The following INPP5A variants were observed in gnomAD, a reference collection of about 807,000 sequenced individuals.
INPP5A encodes the protein inositol polyphosphate-5-phosphatase A.
INPP5A carries 14 observed loss-of-function variants against 65.2 expected under a neutral mutation model. The ratio of observed to expected loss-of-function variants is 0.21; its 90% confidence interval spans 0.14 to 0.34. The LOEUF (loss-of-function observed/expected upper bound fraction) is 0.34. Ranked by LOEUF, INPP5A falls within the 10% of genes least tolerant of loss-of-function variation. The pLI, the probability that INPP5A is intolerant of heterozygous loss-of-function variation, is 1.00. For missense variants in INPP5A, 431 were observed against 545.6 expected (o/e 0.79, Z 2.09); for synonymous variants, 207 against 208.3 (o/e 0.99, Z 0.05).
At chr10:132,677,669 C>T (rs982748074) in intron 4 of INPP5A, among the ~76,000 whole-genome samples, 7 of 152,314 alleles carry the variant, frequency 4.6e-5, no homozygotes, top group African/African-American at 7.2e-5. Flanking sequence ...TGTTAACGGG[C>T]GCACTCGTCT....
At chr10:132,722,982 A>G (rs1052054739) in intron 8 of INPP5A, among the ~76,000 whole-genome samples, 1 of 152,210 alleles carries the variant, frequency 6.6e-6, no homozygotes, top group Non-Finnish European at 1.5e-5. Context: ...GCTGGCACTC[A>G]GGTGATTGCC....
rs1048175488 is a variant in INPP5A, at chr10:132,697,159, G to A, written c.371-657G>A. 3.1e-4 allele frequency among the ~76,000 whole-genome samples: 47 copies of A among 152,386 alleles called. No homozygotes were observed. The highest frequency in any genetic ancestry group is 1.1e-3 in the African/African-American group (46 of 41,602). ...CCACTGGACCCAGCAGGAGTTTGAGGAATGGATCCCTGCCATCCTTGATCA... is the reference window on the plus strand; with the variant it reads ...CCACTGGACCCAGCAGGAGTTTGAGAAATGGATCCCTGCCATCCTTGATCA... On this transcript the variant is annotated intron_variant, in intron 5 of 15. Coordinates refer to ENST00000368594, the MANE Select transcript of INPP5A (RefSeq NM_005539.5). The surrounding 1 kb of genome is among the most constrained non-coding windows in gnomAD (Gnocchi z 5.6).
At chr10:132,747,338 G>T (rs980657994) in intron 9 of INPP5A, among the ~76,000 whole-genome samples, 2 of 152,256 alleles carry the variant, frequency 1.3e-5, no homozygotes, top group African/African-American at 4.8e-5. Context: ...AGCCACTTTG[G>T]GGGGCTTGAC....
intron 1 of INPP5A, among the ~76,000 whole-genome samples, chr10:132,561,748 A>ACACACG (rs2071209370): frequency 1.3e-5 from 2 of 151,718 alleles, no homozygotes; most frequent in Admixed American, 6.6e-5. Context: ...ACACACACAC[A>ACACACG]CACACACACA....
intron 1 of INPP5A, among the ~76,000 whole-genome samples, chr10:132,559,177 G>A (rs75184896): frequency 0.087 from 13,245 of 152,296 alleles, 769 homozygotes; most frequent in East Asian, 0.23. Flanking sequence ...AAGGCTGCCC[G>A]CCGCTCGGGG....
Position 132,753,256 on chromosome 10 carries a change from G to A in INPP5A, c.903+3411G>A, listed in dbSNP as rs890671886. On this transcript the variant is annotated intron_variant, in intron 11 of 15. Transcript: ENST00000368594. The surrounding 1 kb of genome is among the most constrained non-coding windows in gnomAD (Gnocchi z 5.3). ...CGACGGAGGGTCAAGGTGGTCGGAC[G>A]GGGAGCCTGGGGAGATAATCCCATC... is the stretch of plus-strand genomic sequence containing the variant. Among the ~76,000 whole-genome samples the A allele has an allele frequency of 3.9e-5, 6 of 152,136 alleles. No individual in the cohort carries two copies. Among genetic ancestry groups the A allele is most frequent in the Non-Finnish European group, 7.4e-5 (5 of 68,014 alleles).
chr10:132,606,933 T>C (rs997333545), intron 1 of INPP5A, among the ~76,000 whole-genome samples: 1 of 152,240 alleles, frequency 6.6e-6, no homozygotes, highest in Non-Finnish European at 1.5e-5. Context: ...CACGGATCTC[T>C]AGAACTTGTT....
At chr10:132,688,932 ATG>A (rs1462294225) in intron 4 of INPP5A, among the ~76,000 whole-genome samples, 2 of 151,226 alleles carry the variant, frequency 1.3e-5, no homozygotes, top group Admixed American at 1.3e-4. Flanking sequence ...GCATGTGTGC[ATG>A]TTAGTGCCTG....
At chr10:132,689,975 C>T (rs922171849) in intron 4 of INPP5A, among the ~76,000 whole-genome samples, 21 of 152,108 alleles carry the variant, frequency 1.4e-4, no homozygotes, top group Admixed American at 1.1e-3. Context: ...ACTCAATGCC[C>T]GGCCGGTGGG....
At chr10:132,601,482 G>T (rs190910818) in intron 1 of INPP5A, among the ~76,000 whole-genome samples, 5 of 152,250 alleles carry the variant, frequency 3.3e-5, no homozygotes, top group African/African-American at 1.2e-4. Flanking sequence ...GGCTTTTGAT[G>T]CACAAAAGTT....
chr10:132,680,983 C>T (rs1424725984), intron 4 of INPP5A, among the ~76,000 whole-genome samples: 1 of 152,224 alleles, frequency 6.6e-6, no homozygotes, highest in Non-Finnish European at 1.5e-5. Context: ...ACGAGCTCCG[C>T]CCCCTGCTCC....
rs573381169 is a variant in INPP5A, at chr10:132,663,458, T to C, written c.306+12953T>C. On this transcript the variant is annotated intron_variant, in intron 4 of 15. Transcript: ENST00000368594. This position sits in a 1 kb window ranked among gnomAD's most constrained non-coding sequence, Gnocchi z 4.5. ...CAGGTCTCCAACTCCTGGCCTCAAG[T>C]GATCCTCTTGCCTTGGCCTCTCAAA... 3.3e-4 allele frequency among the ~76,000 whole-genome samples: 50 copies of C among 152,294 alleles called. No homozygotes were observed. The highest frequency in any genetic ancestry group is 3.4e-3 in the Middle Eastern group (1 of 294).
chr10:132,673,052 T>C (rs1482535939), intron 4 of INPP5A, among the ~76,000 whole-genome samples: 1 of 152,210 alleles, frequency 6.6e-6, no homozygotes, highest in African/African-American at 2.4e-5. Context: ...ATCTCCTGTA[T>C]TCCATGTATA....
chr10:132,652,054 C>A (rs547683376), intron 4 of INPP5A, among the ~76,000 whole-genome samples: 1 of 152,184 alleles, frequency 6.6e-6, no homozygotes, highest in African/African-American at 2.4e-5. Context: ...TCCCTCTCCC[C>A]CTTGGTCCCT....
chr10:132,633,706 C>T (rs950823814), intron 2 of INPP5A, among the ~76,000 whole-genome samples: 1 of 152,200 alleles, frequency 6.6e-6, no homozygotes, highest in Non-Finnish European at 1.5e-5. Context: ...GGCACTCACT[C>T]GAAGGCCCTG....
rs756665407 is a variant in INPP5A at position 132,765,796 on chromosome 10, G to A, written c.927G>A (p.Leu309=). Reference sequence around the variant, plus strand: ...AGCTCTTGGAGTTTGACAAGGAGTTGTCTGTCTTTAAGGACAGACTGTATG... The same window carrying A: ...AGCTCTTGGAGTTTGACAAGGAGTTATCTGTCTTTAAGGACAGACTGTATG... The part of the protein sequence containing the change: ...GTALLEFDKE[L]SVFKDRLYEL... The change falls in exon 12 of 16, where the codon TTG becomes TTA. Residue 309 remains leucine, a synonymous_variant. Coordinates refer to ENST00000368594, the MANE Select transcript of INPP5A (RefSeq NM_005539.5). The A allele has an allele frequency of 6.9e-6, 11 of 1,604,632 alleles. No homozygotes were observed. In the South Asian group the frequency reaches 1.1e-4, roughly 16 times the overall value.
At chr10:132,558,688 C>T (rs1369520754) in intron 1 of INPP5A, among the ~76,000 whole-genome samples, 5 of 152,232 alleles carry the variant, frequency 3.3e-5, no homozygotes, top group African/African-American at 9.6e-5. Context: ...GTAGCCTTGG[C>T]AGCATTGGGC....
At chr10:132,617,610 C>A (rs775371022) in intron 2 of INPP5A, among the ~76,000 whole-genome samples, 13 of 152,208 alleles carry the variant, frequency 8.5e-5, no homozygotes, top group Non-Finnish European at 1.9e-4. Context: ...TTGTGACCTT[C>A]TTCCTGTTGA....
chr10:132,751,248 G>T (rs1050099370), intron 11 of INPP5A, among the ~76,000 whole-genome samples: 1 of 152,218 alleles, frequency 6.6e-6, no homozygotes, highest in Non-Finnish European at 1.5e-5. Context: ...TCCTGTGCCC[G>T]TCCCTGTCAC....
Sources: allele counts gnomAD v4.1 joint callset (sites outside exome capture counted in the v4.1 genomes callset), GRCh38; gene constraint gnomAD v4.1.1; non-coding constraint Gnocchi (gnomAD v3.1); transcripts MANE v1.5; gene names NCBI Gene and HGNC (gene_info 2026-07-23, HGNC 2026-07-21).